The following TMEFF1 variants were observed in gnomAD, a reference collection of about 807,000 sequenced individuals.
TMEFF1 encodes transmembrane protein with EGF like and two follistatin like domains 1, also known as tomoregulin-1.
A neutral mutation model predicts 47.5 loss-of-function variants in TMEFF1; 20 were observed. That is an observed-to-expected ratio of 0.42 (90% CI 0.30 to 0.61). TMEFF1 has a LOEUF of 0.61. TMEFF1 is among the 20% of genes least tolerant of loss of function. The pLI is 0.19. For synonymous variants in TMEFF1, 162 were observed against 166.3 expected (o/e 0.97, Z 0.20); for missense variants, 411 against 471.1 (o/e 0.87, Z 1.18).
chr9:100,513,849 A>G (rs1587830393), intron 4 of TMEFF1, among the ~76,000 whole-genome samples: 1 of 152,206 alleles, frequency 6.6e-6, no homozygotes, highest in East Asian at 1.9e-4. Flanking sequence ...GCATAGAAAA[A>G]GGAAGACTTG....
At chr9:100,570,654 T>TA (rs1839222476) in intron 8 of TMEFF1, among the ~76,000 whole-genome samples, 1 of 151,830 alleles carries the variant, frequency 6.6e-6, no homozygotes, top group Non-Finnish European at 1.5e-5. Context: ...ACTGCTTGTT[T>TA]TTTTTTGTTT....
intron 1 of TMEFF1, among the ~76,000 whole-genome samples, chr9:100,477,793 ATTGT>A (rs1837264020): frequency 6.6e-6 from 1 of 151,590 alleles, no homozygotes; most frequent in Admixed American, 6.6e-5. Flanking sequence ...CGCCCGGCTA[ATTGT>A]TTGTATTTTA....
chr9:100,507,199 T>C (rs948980979), intron 2 of TMEFF1, among the ~76,000 whole-genome samples: 1 of 152,196 alleles, frequency 6.6e-6, no homozygotes, highest in African/African-American at 2.4e-5. Flanking sequence ...TTCATTCTTT[T>C]TTATGGTTGT....
At chr9:100,507,322 T>G (rs999284161) in intron 2 of TMEFF1, among the ~76,000 whole-genome samples, 1 of 152,192 alleles carries the variant, frequency 6.6e-6, no homozygotes, top group Non-Finnish European at 1.5e-5. Flanking sequence ...GATGAACATA[T>G]GGGTGCATGT....
intron 1 of TMEFF1, among the ~76,000 whole-genome samples, chr9:100,482,151 T>G (rs548953105): frequency 2.6e-5 from 4 of 152,236 alleles, no homozygotes; most frequent in African/African-American, 7.2e-5. Flanking sequence ...TGGCAATCTA[T>G]TTTTCTGCCG....
At chr9:100,533,956 A>G (rs1163135710) in intron 5 of TMEFF1, among the ~76,000 whole-genome samples, 1 of 152,116 alleles carries the variant, frequency 6.6e-6, no homozygotes, top group Non-Finnish European at 1.5e-5. Flanking sequence ...TGACCTCATG[A>G]TCCACCCACC....
At chr9:100,527,550 C>T (rs1415305752) in intron 5 of TMEFF1, among the ~76,000 whole-genome samples, 4 of 152,200 alleles carry the variant, frequency 2.6e-5, no homozygotes, top group African/African-American at 9.7e-5. Context: ...AAAAACGGCA[C>T]ACCACGAGAT....
intron 6 of TMEFF1, 29 bp downstream of exon 6, chr9:100,547,921 C>A: frequency 6.6e-7 from 1 of 1,516,784 alleles, no homozygotes; most frequent in Non-Finnish European, 8.8e-7. Flanking sequence ...ATTCAGAGAC[C>A]CATCTTTATT....
intron 8 of TMEFF1, among the ~76,000 whole-genome samples, chr9:100,571,433 C>T (rs1402025741): frequency 1.3e-5 from 2 of 152,024 alleles, no homozygotes; most frequent in Non-Finnish European, 2.9e-5. Context: ...TTATATGTAT[C>T]TATTTTGAAA....
chr9:100,520,855 T>C (rs10989130), intron 5 of TMEFF1, among the ~76,000 whole-genome samples: 34,692 of 152,206 alleles, frequency 0.23, 4,385 homozygotes, highest in South Asian at 0.33. Context: ...GTGTTGTGCA[T>C]GCACATGTAG....
intron 5 of TMEFF1, among the ~76,000 whole-genome samples, chr9:100,529,599 T>G: frequency 6.6e-6 from 1 of 152,154 alleles, no homozygotes; most frequent in East Asian, 1.9e-4. Flanking sequence ...AAGCAAGTCC[T>G]GAGTGACCTA....
At chr9:100,480,284 A>G (rs1837315539) in intron 1 of TMEFF1, among the ~76,000 whole-genome samples, 1 of 152,174 alleles carries the variant, frequency 6.6e-6, no homozygotes, top group Non-Finnish European at 1.5e-5. Context: ...AGATGCTCAA[A>G]TGCTAAGTTG....
At chr9:100,550,198 G>A in intron 7 of TMEFF1, 38 bp downstream of exon 7, 1 of 1,595,412 alleles carries the variant, frequency 6.3e-7, no homozygotes, top group South Asian at 1.1e-5. Context: ...GGCCAGCTAT[G>A]GAAATACGGT....
intron 9 of TMEFF1, among the ~76,000 whole-genome samples, chr9:100,572,953 T>C (rs890240848): frequency 1.3e-5 from 2 of 151,936 alleles, no homozygotes; most frequent in East Asian, 3.9e-4. Context: ...TTGAACACTG[T>C]ATTCTGGGAA....
chr9:100,563,502 C>G (rs1452976677), intron 8 of TMEFF1, among the ~76,000 whole-genome samples: 1 of 152,232 alleles, frequency 6.6e-6, no homozygotes, highest in Non-Finnish European at 1.5e-5. Flanking sequence ...ATTGGATACA[C>G]TGACCTGGCC....
At position 100,547,733 on chromosome 9, in the gene TMEFF1, T is replaced by C. The variant is rs752257743; in HGVS notation, c.561-11T>C. ...TTGTAAAATATAGGTAATTTTTGTCTTTTCCAACAGGTGTGTATGTAATAT... is the reference window on the plus strand; with the variant it reads ...TTGTAAAATATAGGTAATTTTTGTCCTTTCCAACAGGTGTGTATGTAATAT... On this transcript the variant is annotated splice_polypyrimidine_tract_variant and intron_variant, in intron 5 of 9. Transcript: ENST00000374879. 5.0e-5 allele frequency: 74 copies of C among 1,493,366 alleles called. No homozygotes were observed. The Middle Eastern group carries it at 6.2e-4, about 12-fold the overall frequency. 92.5% of individuals were successfully genotyped at this position (1,493,366 alleles called of 1,614,324 possible). A position where few individuals can be genotyped will look rare whatever the true frequency, so the allele number is the denominator to read the frequency against.
chr9:100,518,585 A>G (rs1006047729), intron 5 of TMEFF1: 3 of 801,682 alleles, frequency 3.7e-6, no homozygotes, highest in Non-Finnish European at 3.0e-6. Context: ...CGAAGGAAGC[A>G]GTTGGTATCT....
intron 3 of TMEFF1, among the ~76,000 whole-genome samples, chr9:100,511,563 A>G (rs1043279236): frequency 5.3e-5 from 8 of 152,192 alleles, no homozygotes; most frequent in African/African-American, 9.7e-5. Context: ...TGTGGATCCT[A>G]TTCCTTGAAC....
intron 1 of TMEFF1, among the ~76,000 whole-genome samples, chr9:100,497,623 G>T (rs1000138297): frequency 6.6e-6 from 1 of 151,936 alleles, no homozygotes; most frequent in Non-Finnish European, 1.5e-5. Context: ...GAATAAATGG[G>T]GTAGAGAGAG....
Sources: allele counts gnomAD v4.1 joint callset (sites outside exome capture counted in the v4.1 genomes callset), GRCh38; gene constraint gnomAD v4.1.1; transcripts MANE v1.5; gene names NCBI Gene and HGNC (gene_info 2026-07-23, HGNC 2026-07-21).